The following ARHGAP32 variants were observed in gnomAD, a reference collection of about 807,000 sequenced individuals.
ARHGAP32 encodes Rho GTPase activating protein 32, also known as rho GTPase-activating protein 32.
A neutral mutation model predicts 186.5 loss-of-function variants in ARHGAP32; 51 were observed. The observed-to-expected ratio is 0.27, with a 90% CI of 0.22 to 0.35. The LOEUF (loss-of-function observed/expected upper bound fraction) is 0.35. Among genes scored for constraint, ARHGAP32 ranks in the 10% least tolerant of loss-of-function variants. The probability of loss-of-function intolerance (pLI) is 1.00; values close to 1 mark genes in which losing one functional copy is unlikely to be tolerated. For synonymous variants in ARHGAP32, 950 were observed against 964.3 expected, an observed-to-expected ratio of 0.99 and a Z score of 0.27; for missense variants, 2,186 against 2,623.5, an observed-to-expected ratio of 0.83 and a Z score of 3.64.
chr11:129,072,019 CA>C (rs1295922656), intron 6 of ARHGAP32, among the ~76,000 whole-genome samples: 1 of 152,016 alleles, frequency 6.6e-6, no homozygotes, highest in Non-Finnish European at 1.5e-5. Flanking sequence ...TTCATAGAAG[CA>C]GAGTTGAATG....
At chr11:129,061,348 C>T (rs1474412310) in intron 10 of ARHGAP32, among the ~76,000 whole-genome samples, 2 of 152,090 alleles carry the variant, frequency 1.3e-5, no homozygotes, top group Non-Finnish European at 2.9e-5. Context: ...ATAAAGTAGT[C>T]CCTCCTTATC....
chr11:128,997,560 C>T (rs1946233894), intron 12 of ARHGAP32, among the ~76,000 whole-genome samples: 1 of 152,114 alleles, frequency 6.6e-6, no homozygotes, highest in Admixed American at 6.6e-5. Flanking sequence ...CATCTTCTGG[C>T]ATTTCTGAAA....
intron 11 of ARHGAP32, among the ~76,000 whole-genome samples, chr11:129,013,949 C>A (rs891091080): frequency 1.3e-5 from 2 of 152,170 alleles, no homozygotes; most frequent in African/African-American, 4.8e-5. Flanking sequence ...AGAACACTGG[C>A]AAGCAAGGCT....
intron 5 of ARHGAP32, among the ~76,000 whole-genome samples, chr11:129,094,594 T>C (rs1941676233): frequency 6.6e-6 from 1 of 152,214 alleles, no homozygotes; most frequent in South Asian, 2.1e-4. Flanking sequence ...CACCTTTAAA[T>C]GAGGTGTATA....
At chr11:129,226,460 G>T (rs528164388) in intron 1 of ARHGAP32, among the ~76,000 whole-genome samples, 4 of 152,072 alleles carry the variant, frequency 2.6e-5, no homozygotes, top group Non-Finnish European at 1.5e-5. Context: ...GTAGAATTAC[G>T]TATTCAAAGT....
At chr11:129,140,043 T>C (rs1253394754) in intron 2 of ARHGAP32, among the ~76,000 whole-genome samples, 1 of 152,148 alleles carries the variant, frequency 6.6e-6, no homozygotes, top group Admixed American at 6.5e-5. Flanking sequence ...ATTATCTGGA[T>C]AGGCCTAATC....
At chr11:129,252,551 C>T (rs1945199069) in intron 1 of ARHGAP32, among the ~76,000 whole-genome samples, 1 of 152,110 alleles carries the variant, frequency 6.6e-6, no homozygotes, top group African/African-American at 2.4e-5. Flanking sequence ...TCAATAGAAG[C>T]AAGCGATTAG....
At chr11:129,256,293 A>G in intron 1 of ARHGAP32, among the ~76,000 whole-genome samples, 1 of 141,024 alleles carries the variant, frequency 7.1e-6, no homozygotes, top group Non-Finnish European at 1.5e-5. Flanking sequence ...TGATACATGA[A>G]AAAGTTTAAA....
At chr11:128,975,078 A>C in intron 20 of ARHGAP32, 76 bp from the exon 21 acceptor site, 1 of 1,201,812 alleles carries the variant, frequency 8.3e-7, no homozygotes, top group Non-Finnish European at 1.2e-6. Flanking sequence ...CCTACTCAGC[A>C]CAGCAGTAAC....
rs1941660933 is a variant in ARHGAP32 at position 129,094,038 on chromosome 11, T to C, written c.445-331A>G. Among the ~76,000 whole-genome samples, 3 of 152,226 alleles carry C rather than the reference T, an allele frequency of 2.0e-5. No homozygotes were observed. In the South Asian group the frequency reaches 6.2e-4, roughly 32 times the overall value. ...CTTATTACATAGATTAAAAACTGGC[T>C]GCAGATAACAGGTTGGGCCTATGGA... is the stretch of plus-strand genomic sequence containing the variant. On this transcript the variant is annotated intron_variant, in intron 5 of 22. Coordinates refer to ENST00000682385, the MANE Select transcript of ARHGAP32 (RefSeq NM_001378024.1).
intron 1 of ARHGAP32, among the ~76,000 whole-genome samples, chr11:129,233,318 T>C (rs563736194): frequency 1.4e-4 from 22 of 152,302 alleles, no homozygotes; most frequent in African/African-American, 4.1e-4. Context: ...GGGGGGTACA[T>C]AGGAGTTTAT....
intron 1 of ARHGAP32, among the ~76,000 whole-genome samples, chr11:129,209,270 A>T (rs1944550995): frequency 6.6e-6 from 1 of 152,136 alleles, no homozygotes; most frequent in South Asian, 2.1e-4. Context: ...AAATTATTTT[A>T]ATTAGAACTT....
intron 5 of ARHGAP32, among the ~76,000 whole-genome samples, chr11:129,104,716 T>C (rs1193641573): frequency 1.3e-5 from 2 of 150,618 alleles, no homozygotes; most frequent in East Asian, 3.9e-4. Context: ...CCAAATGGTG[T>C]CAATAAAATG....
intron 1 of ARHGAP32, among the ~76,000 whole-genome samples, chr11:129,233,311 G>T (rs1944883708): frequency 6.6e-6 from 1 of 151,980 alleles, no homozygotes; most frequent in African/African-American, 2.4e-5. Context: ...ACTAAGTGGG[G>T]GGTACATAGG....
At chr11:129,029,839 G>C (rs1193206958) in intron 11 of ARHGAP32, among the ~76,000 whole-genome samples, 1 of 145,668 alleles carries the variant, frequency 6.9e-6, no homozygotes, top group Non-Finnish European at 1.5e-5. Flanking sequence ...GGTAGGAAGG[G>C]GAGGGGATGG....
chr11:129,194,901 C>CT (rs560949696), upstream of ARHGAP32, among the ~76,000 whole-genome samples: 6 of 136,120 alleles, frequency 4.4e-5, no homozygotes, highest in South Asian at 2.4e-4. Flanking sequence ...GAATCTAGTT[C>CT]TTTTTTTTCT....
intron 5 of ARHGAP32, among the ~76,000 whole-genome samples, chr11:129,120,667 G>A (rs1029230562): frequency 6.6e-6 from 1 of 152,048 alleles, no homozygotes; most frequent in Non-Finnish European, 1.5e-5. Context: ...TGTAGAAGAC[G>A]TTAACATCTC....
Position 128,970,843 on chromosome 11 carries a change from A to G in ARHGAP32, c.4370T>C (p.Phe1457Ser). 1 of 1,614,274 alleles carries G rather than the reference A, an allele frequency of 6.2e-7. No individual in the cohort carries two copies. The highest frequency in any genetic ancestry group is 8.5e-7 in the Non-Finnish European group (1 of 1,180,044). Reference sequence around the variant, plus strand: ...CACAGAGGTGGATGAAGCAGTGACAAAGGAATGATAATTTGAACTGCTGGT... The same window carrying G: ...CACAGAGGTGGATGAAGCAGTGACAGAGGAATGATAATTTGAACTGCTGGT... The part of the protein sequence containing the change: ...DATSSSNYHS[F>S]VTASSTSVDD... The change falls in exon 23 of 23, where the codon TTT becomes TCT. Residue 1457 changes from phenylalanine to serine, a missense_variant. By Grantham distance (155) the Phe-to-Ser change is radical (BLOSUM62 -2). Coordinates refer to ENST00000682385, the MANE Select transcript of ARHGAP32 (RefSeq NM_001378024.1). The surrounding 1 kb of genome is among the most constrained non-coding windows in gnomAD (Gnocchi z 5.8).
chr11:129,068,424 T>C (rs923201345), intron 6 of ARHGAP32, among the ~76,000 whole-genome samples: 6 of 152,090 alleles, frequency 3.9e-5, no homozygotes, highest in Non-Finnish European at 7.4e-5. Flanking sequence ...ATCACTACCT[T>C]CTACCCAAAG....
Sources: allele counts gnomAD v4.1 joint callset (sites outside exome capture counted in the v4.1 genomes callset), GRCh38; gene constraint gnomAD v4.1.1; non-coding constraint Gnocchi (gnomAD v3.1); transcripts MANE v1.5; gene names NCBI Gene and HGNC (gene_info 2026-07-23, HGNC 2026-07-21).